MEGF11: variants seen among roughly 807,000 people sequenced by gnomAD.
The protein encoded by MEGF11 is multiple epidermal growth factor-like domains protein 11.
A neutral mutation model predicts 146.6 loss-of-function variants in MEGF11; 126 were observed. That is an observed-to-expected ratio of 0.86 (90% CI 0.74 to 1.00). The LOEUF (loss-of-function observed/expected upper bound fraction) is 1.00. Ranked by LOEUF, MEGF11 falls within the 50% of genes least tolerant of loss-of-function variation. The pLI, the probability that MEGF11 is intolerant of heterozygous loss-of-function variation, is 0.00. For synonymous variants in MEGF11, 532 were observed against 583.4 expected (o/e 0.91, Z 1.27); for missense variants, 1,509 against 1,521.2 (o/e 0.99, Z 0.13).
At chr15:66,126,356 A>T (rs1456089806) in intron 2 of MEGF11, among the ~76,000 whole-genome samples, 1 of 152,232 alleles carries the variant, frequency 6.6e-6, no homozygotes, top group African/African-American at 2.4e-5. Flanking sequence ...AAGCCCAGAG[A>T]GTCCCCAGAC....
intron 21 of MEGF11, chr15:65,910,079 G>GAC: frequency 1.6e-6 from 1 of 607,754 alleles, no homozygotes; most frequent in South Asian, 1.5e-5. Context: ...AGCTGGCCCT[G>GAC]ACAGAGGAAG....
intron 5 of MEGF11, among the ~76,000 whole-genome samples, chr15:66,057,454 C>T (rs1360576129): frequency 1.3e-5 from 2 of 152,146 alleles, no homozygotes; most frequent in Non-Finnish European, 2.9e-5. Context: ...TGGTAAGCAG[C>T]ATCCCGTAGG....
At chr15:66,123,682 G>A (rs148697822) in intron 3 of MEGF11, among the ~76,000 whole-genome samples, 1 of 152,286 alleles carries the variant, frequency 6.6e-6, no homozygotes, top group African/African-American at 2.4e-5. Context: ...CCCTGGTTGA[G>A]GGATGCCCTC....
At chr15:66,111,132 G>C (rs1159230645) in intron 4 of MEGF11, among the ~76,000 whole-genome samples, 1 of 152,184 alleles carries the variant, frequency 6.6e-6, no homozygotes, top group Non-Finnish European at 1.5e-5. Context: ...TCAGTTTTCT[G>C]TCCTGTAAAA....
chr15:66,196,344 C>T (rs4381540), intron 1 of MEGF11, among the ~76,000 whole-genome samples: 51,878 of 151,764 alleles, frequency 0.34, 9,034 homozygotes, highest in East Asian at 0.48. Flanking sequence ...TGGTGTCGGG[C>T]GCCTGTAATC....
At chr15:66,252,589 G>A (rs1187790343) in intron 1 of MEGF11, among the ~76,000 whole-genome samples, 2 of 152,214 alleles carry the variant, frequency 1.3e-5, no homozygotes, top group Non-Finnish European at 2.9e-5. Context: ...CCCGGGCTCG[G>A]GGGCTCTGGG....
chr15:66,137,614 A>C (rs933157242), intron 1 of MEGF11, among the ~76,000 whole-genome samples: 2 of 149,062 alleles, frequency 1.3e-5, no homozygotes, highest in African/African-American at 4.9e-5. Flanking sequence ...GTGCGGTGGC[A>C]CGGTCACAGC....
At chr15:66,239,856 T>C (rs933576150) in intron 1 of MEGF11, among the ~76,000 whole-genome samples, 5 of 152,204 alleles carry the variant, frequency 3.3e-5, no homozygotes, top group African/African-American at 1.2e-4. Flanking sequence ...AGGGAGTTAA[T>C]GCTCCATGAG....
chr15:66,075,426 G>A (rs572791056), intron 5 of MEGF11, among the ~76,000 whole-genome samples: 1 of 152,314 alleles, frequency 6.6e-6, no homozygotes, highest in South Asian at 2.1e-4. Context: ...CTTTATGGAA[G>A]GATTTCCTGA....
chr15:66,065,306 A>G (rs2140434387), intron 5 of MEGF11, among the ~76,000 whole-genome samples: 1 of 152,262 alleles, frequency 6.6e-6, no homozygotes, highest in East Asian at 1.9e-4. Context: ...ATGGTGAAAA[A>G]AAAAAAAAAG....
At chr15:66,158,278 G>T (rs1261864640) in intron 1 of MEGF11, among the ~76,000 whole-genome samples, 2 of 152,252 alleles carry the variant, frequency 1.3e-5, no homozygotes, top group African/African-American at 4.8e-5. Flanking sequence ...AGAGTGGACA[G>T]TCAGGAGCTT....
rs1046991767 is a variant in MEGF11, at chr15:65,897,552, C to A, written c.*382G>T. 6.5e-6 allele frequency: 1 copy of A among 154,598 alleles called. No individual in the cohort carries two copies. Among genetic ancestry groups the A allele is most frequent in the African/African-American group, 2.4e-5 (1 of 41,524 alleles). The allele number at this position is 154,598 out of a possible 1,614,324, so 9.6% of individuals were successfully genotyped here. A position where few individuals can be genotyped will look rare whatever the true frequency, so the allele number is the denominator to read the frequency against. ...GTTTCAGGTGCTTTAAAGTAATCCT[C>A]TTCCCTCCCCAGTCTCCTTTTTGTC... On this transcript the variant is annotated 3_prime_UTR_variant, in exon 26 of 26. Coordinates refer to ENST00000395614, the MANE Select transcript of MEGF11 (RefSeq NM_001385028.1).
intron 10 of MEGF11, among the ~76,000 whole-genome samples, chr15:65,938,633 G>A (rs1312876837): frequency 6.6e-6 from 1 of 152,158 alleles, no homozygotes; most frequent in African/African-American, 2.4e-5. Context: ...TCTTTTTTCT[G>A]TGAATGCAGA....
At chr15:66,123,626 T>G (rs1295777031) in intron 3 of MEGF11, among the ~76,000 whole-genome samples, 1 of 152,136 alleles carries the variant, frequency 6.6e-6, no homozygotes, top group African/African-American at 2.4e-5. Flanking sequence ...CCATCCCAAG[T>G]GTGAGGAAGT....
intron 1 of MEGF11, among the ~76,000 whole-genome samples, chr15:66,247,235 G>A (rs576287730): frequency 2.0e-5 from 3 of 152,212 alleles, no homozygotes; most frequent in Non-Finnish European, 2.9e-5. Context: ...TTATTCTCTA[G>A]TTCTGTTCTC....
At chr15:65,947,752 G>A (rs1027425670) in intron 10 of MEGF11, among the ~76,000 whole-genome samples, 1 of 152,124 alleles carries the variant, frequency 6.6e-6, no homozygotes, top group Admixed American at 6.5e-5. Context: ...TGAAGACTTG[G>A]ACAAAAAGAA....
intron 1 of MEGF11, among the ~76,000 whole-genome samples, chr15:66,142,269 G>A (rs753209148): frequency 6.6e-6 from 1 of 152,186 alleles, no homozygotes; most frequent in Non-Finnish European, 1.5e-5. Flanking sequence ...GATGGGAACT[G>A]GGAAGGGACA....
intron 1 of MEGF11, among the ~76,000 whole-genome samples, chr15:66,250,160 G>A (rs1245569274): frequency 6.6e-6 from 1 of 152,174 alleles, no homozygotes; most frequent in Non-Finnish European, 1.5e-5. Flanking sequence ...CTCCCTTCCT[G>A]GCAGAAGATC....
chr15:66,244,317 T>G (rs2092263232), intron 1 of MEGF11, among the ~76,000 whole-genome samples: 1 of 152,146 alleles, frequency 6.6e-6, no homozygotes, highest in African/African-American at 2.4e-5. Flanking sequence ...TGCTCGTTAC[T>G]GGCTCTACCC....
Sources: gnomAD v4.1 joint callset for allele counts (sites outside exome capture counted in the v4.1 genomes callset) on GRCh38, gnomAD v4.1.1 for gene constraint, MANE v1.5 for transcripts, NCBI Gene and HGNC (gene_info 2026-07-23, HGNC 2026-07-21) for gene names.